NR2F1: variants seen among roughly 807,000 people sequenced by gnomAD.
NR2F1 encodes the protein nuclear receptor subfamily 2 group F member 1, also known as COUP transcription factor 1.
In NR2F1, 1 loss-of-function variant was observed where a neutral mutation model predicts 37.7. That is an observed-to-expected ratio of 0.03 (90% CI 0.01 to 0.13). The LOEUF is 0.13. NR2F1 is among the 10% of genes least tolerant of loss of function. The pLI is 1.00. For missense variants in NR2F1, 268 were observed against 578.4 expected (o/e 0.46, Z 5.50); for synonymous variants, 275 against 259.6 (o/e 1.06, Z -0.57).
At position 93,584,974 on chromosome 5, in the gene NR2F1, G is replaced by A; in HGVS notation, c.-50G>A. The A allele has an allele frequency of 1.1e-6, 1 of 905,458 alleles. No homozygotes were observed. 56.1% of individuals were successfully genotyped at this position (905,458 alleles called of 1,614,324 possible). A position where few individuals can be genotyped will look rare whatever the true frequency, so the allele number is the denominator to read the frequency against. On this transcript the variant is annotated 5_prime_UTR_variant, in exon 1 of 3. Coordinates refer to ENST00000327111, the MANE Select transcript of NR2F1 (RefSeq NM_005654.6). ...TCCCAGCGCGCCCGCGCGCCCCGCG[G>A]CCCTCGGCGAGCAGCTCGGCTCCCC...
In NR2F1 at chr5:93,584,757, G is replaced by A. The variant is rs958623187; in HGVS notation, c.-267G>A. 2 of 151,342 alleles carry A rather than the reference G, an allele frequency of 1.3e-5. No individual in the cohort carries two copies. The highest frequency in any genetic ancestry group is 4.9e-5 in the African/African-American group (2 of 41,082). 9.4% of individuals were successfully genotyped at this position (151,342 alleles called of 1,614,324 possible). A position where few individuals can be genotyped will look rare whatever the true frequency, so the allele number is the denominator to read the frequency against. ...CAAAAAGAGAGAAAGAAAACAGCAG[G>A]AACCACAACAAAACGCCAGCAGGGC... On this transcript the variant is annotated 5_prime_UTR_variant, in exon 1 of 3. Transcript: ENST00000327111.
chr5:93,585,232 AGGGCCAGGGCCCGCCCGGTTC>A lies in NR2F1; in HGVS notation c.217_237del (p.Gly73_Gln79del). ...GCCACCCCCGGCACGGCGGGGGACA[AGGGCCAGGGCCCGCCCGGTTC>A]GGGCCAGAGCCAGCAGCACATCGAG... On this transcript the variant is annotated inframe_deletion, in exon 1 of 3. Coordinates refer to ENST00000327111, the MANE Select transcript of NR2F1 (RefSeq NM_005654.6). 6.4e-7 allele frequency: 1 copy of A among 1,554,130 alleles called. No homozygotes were observed. Among genetic ancestry groups the A allele is most frequent in the Non-Finnish European group, 8.7e-7 (1 of 1,149,686 alleles).
rs988181434 is a variant in NR2F1 at position 93,584,302 on chromosome 5, G to C, written c.-722G>C. The C allele has an allele frequency of 6.7e-6, 1 of 150,102 alleles. No homozygotes were observed. The allele number at this position is 150,102 out of a possible 1,614,324, so 9.3% of individuals were successfully genotyped here. A position where few individuals can be genotyped will look rare whatever the true frequency, so the allele number is the denominator to read the frequency against. ...GGCGGCAGCTCCAGCGGCGCCTGCAGCCGCGACCTCCTCCTCCTCCGCCGC... is the reference window on the plus strand; with the variant it reads ...GGCGGCAGCTCCAGCGGCGCCTGCACCCGCGACCTCCTCCTCCTCCGCCGC... On this transcript the variant is annotated 5_prime_UTR_variant, in exon 1 of 3. Transcript: ENST00000327111.
chr5:93,587,786 C>A, intron 1 of NR2F1, 131 bp from the exon 2 acceptor site: 2 of 940,920 alleles, frequency 2.1e-6, no homozygotes, highest in East Asian at 2.6e-5. Flanking sequence ...TGAGAGCGAG[C>A]CGGAGAAGAT....
chr5:93,584,212 C>G lies in NR2F1; in HGVS notation c.-812C>G, dbSNP rs997658862. ...CTCCGCTCGCGCTCCGGCTGCGGCC[C>G]CGACTCCTGCTCGGACTCCGGCCCG... On this transcript the variant is annotated 5_prime_UTR_variant, in exon 1 of 3. Coordinates refer to ENST00000327111, the MANE Select transcript of NR2F1 (RefSeq NM_005654.6). 6.7e-6 allele frequency: 1 copy of G among 148,590 alleles called. No individual in the cohort carries two copies. Among genetic ancestry groups the G allele is most frequent in the Non-Finnish European group, 1.5e-5 (1 of 66,612 alleles). 9.2% of individuals were successfully genotyped at this position (148,590 alleles called of 1,614,324 possible). A position where few individuals can be genotyped will look rare whatever the true frequency, so the allele number is the denominator to read the frequency against.
chr5:93,592,631 T>A (rs75797094), intron 2 of NR2F1, among the ~76,000 whole-genome samples: 4,680 of 149,704 alleles, frequency 0.031, 287 homozygotes, highest in African/African-American at 0.11. Flanking sequence ...CACCAAAAGC[T>A]TATCTCCCCC....
At chr5:93,588,708 T>G (rs1236337852) in intron 2 of NR2F1, among the ~76,000 whole-genome samples, 38 of 151,152 alleles carry the variant, frequency 2.5e-4, no homozygotes, top group Non-Finnish European at 3.4e-4. Flanking sequence ...CCCGGACCCC[T>G]ACGTGGGGCC....
In NR2F1 at chr5:93,593,892, C is replaced by T. The variant is rs376558654; in HGVS notation, c.*50C>T. 1.0e-3 allele frequency: 1,590 copies of T among 1,567,346 alleles called. 3 individuals are homozygous for T. Among genetic ancestry groups the T allele is most frequent in the South Asian group, 3.2e-3 (270 of 84,792 alleles). ...CGTCCCCCTAGAGACTCAGAGGACC[C>T]ACCTGGGCCAAGGACTCCAAAGCCG... On this transcript the variant is annotated 3_prime_UTR_variant, in exon 3 of 3. Transcript: ENST00000327111. This position sits in a 1 kb window ranked among gnomAD's most constrained non-coding sequence, Gnocchi z 5.6.
At chr5:93,588,718 C>T (rs1753277726) in intron 2 of NR2F1, among the ~76,000 whole-genome samples, 1 of 151,148 alleles carries the variant, frequency 6.6e-6, no homozygotes, top group African/African-American at 2.4e-5. Flanking sequence ...TACGTGGGGC[C>T]GCGGCTGCCG....
chr5:93,592,038 G>A (rs1253479206), intron 2 of NR2F1: 2 of 152,216 alleles, frequency 1.3e-5, no homozygotes, highest in African/African-American at 2.4e-5. Context: ...GGTCAAAGGG[G>A]ACTTGCCTCA....
Position 93,588,122 on chromosome 5 carries a change from C to G in NR2F1, c.669C>G (p.Ala223=). ...GCATCGAGAACATCTGCGAGCTGGC[C>G]GCGCGCCTGCTCTTCAGCGCCGTCG... ...IMGIENICEL[A]ARLLFSAVEW... Residue 223 remains alanine, a synonymous_variant, in exon 2 of 3, where the codon GCC becomes GCG. Coordinates refer to ENST00000327111, the MANE Select transcript of NR2F1 (RefSeq NM_005654.6). The G allele has an allele frequency of 6.2e-7, 1 of 1,614,192 alleles. No homozygotes were observed. Among genetic ancestry groups the G allele is most frequent in the Middle Eastern group, 1.6e-4 (1 of 6,062 alleles).
At chr5:93,589,894 A>ACTGC (rs1753302168) in intron 2 of NR2F1, among the ~76,000 whole-genome samples, 1 of 152,232 alleles carries the variant, frequency 6.6e-6, no homozygotes, top group African/African-American at 2.4e-5. Flanking sequence ...ATGGACTTGG[A>ACTGC]CTGCCCCCCT....
chr5:93,589,959 A>G (rs991594929), intron 2 of NR2F1, among the ~76,000 whole-genome samples: 9 of 152,254 alleles, frequency 5.9e-5, no homozygotes, highest in Admixed American at 4.6e-4. Flanking sequence ...TATTCTTTCC[A>G]AGAGGATAAA....
Position 93,588,423 on chromosome 5 carries a change from G to T in NR2F1, c.970G>T (p.Ala324Ser). The T allele has an allele frequency of 6.2e-7, 1 of 1,609,350 alleles. No individual in the cohort carries two copies. Among genetic ancestry groups the T allele is most frequent in the Non-Finnish European group, 8.5e-7 (1 of 1,177,474 alleles). The change falls in exon 2 of 3, where the codon GCC (alanine) becomes TCC (serine). Residue 324 changes from alanine to serine, a missense_variant. By Grantham distance (99) the Ala-to-Ser change is moderately conservative. Transcript: ENST00000327111. ...VDSAEYSCLK[A>S]IVLFTSDACG... ...CTCAGCCGAGTACAGCTGCCTCAAA[G>T]CCATCGTGCTGTTCACGTCAGGTGA...
chr5:93,586,533 C>T (rs1250428557), intron 1 of NR2F1, among the ~76,000 whole-genome samples: 1 of 152,146 alleles, frequency 6.6e-6, no homozygotes, highest in East Asian at 1.9e-4. Flanking sequence ...TCTTGACAAT[C>T]ATTAAAGATG....
At position 93,585,347 on chromosome 5, in the gene NR2F1, T is replaced by C. The variant is rs1753211851; in HGVS notation, c.324T>C (p.Ser108=). The C allele has an allele frequency of 1.1e-5, 18 of 1,613,636 alleles. No homozygotes were observed. The highest frequency in any genetic ancestry group is 1.5e-5 in the Non-Finnish European group (18 of 1,179,832). Residue 108 remains serine (S), a synonymous_variant, in exon 1 of 3, where the codon AGT becomes AGC. Transcript: ENST00000327111. Reference sequence around the variant, plus strand: ...AATTCACCTGCGAGGGCTGCAAAAGTTTCTTCAAGAGGAGCGTCCGCAGGA... The same window carrying C: ...AATTCACCTGCGAGGGCTGCAAAAGCTTCTTCAAGAGGAGCGTCCGCAGGA... ...YGQFTCEGCK[S]FFKRSVRRNL...
At position 93,584,682 on chromosome 5, in the gene NR2F1, C is replaced by T. The variant is rs1580357865; in HGVS notation, c.-342C>T. ...AGGAACGGAGCGCGGGGGGAGCGGG[C>T]GAGGGGAGCAGGGGTGTTGGGGGGG... On this transcript the variant is annotated 5_prime_UTR_variant, in exon 1 of 3. Transcript: ENST00000327111. 1 of 99,886 alleles carries T rather than the reference C, an allele frequency of 1.0e-5. No homozygotes were observed. The highest frequency in any genetic ancestry group is 3.9e-5 in the African/African-American group (1 of 25,876). The allele number at this position is 99,886 out of a possible 1,614,324, so 6.2% of individuals were successfully genotyped here.
chr5:93,588,326 C>G lies in NR2F1; in HGVS notation c.873C>G (p.Arg291=), dbSNP rs1403983909. The change falls in exon 2 of 3, where the codon CGC becomes CGG. Residue 291 remains arginine (R), a synonymous_variant. Transcript: ENST00000327111. ...GLHASPMSAD[R]VVAFMDHIRI... ...ATGCCTCGCCCATGTCTGCCGACCG[C>G]GTCGTGGCCTTCATGGACCACATCC... 1 of 1,613,306 alleles carries G rather than the reference C, an allele frequency of 6.2e-7. No individual in the cohort carries two copies. The highest frequency in any genetic ancestry group is 2.2e-5 in the East Asian group (1 of 44,850).
At chr5:93,585,774 C>G (rs1753221921) in intron 1 of NR2F1, 1 of 455,042 alleles carries the variant, frequency 2.2e-6, no homozygotes, top group South Asian at 2.4e-5. Context: ...GGCTTAAAAT[C>G]CCCTTCTTCC....
Sources: gnomAD v4.1 joint callset for allele counts (sites outside exome capture counted in the v4.1 genomes callset) on GRCh38, gnomAD v4.1.1 for gene constraint, Gnocchi (gnomAD v3.1) non-coding constraint, MANE v1.5 for transcripts, NCBI Gene and HGNC (gene_info 2026-07-23, HGNC 2026-07-21) for gene names.